CFAP95: variants seen among roughly 807,000 people sequenced by gnomAD.
CFAP95 encodes the protein cilia and flagella associated protein 95.
the CFAP95 span, among the ~76,000 whole-genome samples, chr9:69,895,641 T>A: frequency 6.6e-6 from 1 of 152,178 alleles, no homozygotes; most frequent in Non-Finnish European, 1.5e-5. Context: ...ATTAATTATT[T>A]TAACTTCCTG....
chr9:69,878,150 C>T, the CFAP95 span, among the ~76,000 whole-genome samples: 1 of 152,150 alleles, frequency 6.6e-6, no homozygotes, highest in Non-Finnish European at 1.5e-5. Flanking sequence ...GTGATGTTTA[C>T]TGATAATCGT....
chr9:69,875,081 G>C, the CFAP95 span, among the ~76,000 whole-genome samples: 3 of 152,116 alleles, frequency 2.0e-5, no homozygotes, highest in African/African-American at 7.2e-5. Context: ...TTTTGCTACA[G>C]CTAATATCTA....
chr9:69,896,401 T>A, the CFAP95 span, among the ~76,000 whole-genome samples: 477 of 152,308 alleles, frequency 3.1e-3, 1 homozygote, highest in African/African-American at 0.011. Flanking sequence ...GAAGTGTTCA[T>A]TTACATAGAT....
the CFAP95 span, among the ~76,000 whole-genome samples, chr9:69,897,021 G>A: frequency 1.3e-5 from 2 of 152,122 alleles, no homozygotes; most frequent in Non-Finnish European, 2.9e-5. Flanking sequence ...TTGACTGTGG[G>A]GTAATTCTTC....
At chr9:69,885,583 C>A in the CFAP95 span, among the ~76,000 whole-genome samples, 1 of 152,184 alleles carries the variant, frequency 6.6e-6, no homozygotes, top group Non-Finnish European at 1.5e-5. Context: ...TCAGTTCTAG[C>A]ACCTCAGGGT....
At chr9:69,853,469 AT>A in the CFAP95 span, among the ~76,000 whole-genome samples, 1 of 152,342 alleles carries the variant, frequency 6.6e-6, no homozygotes, top group Non-Finnish European at 1.5e-5. Context: ...TATTATGTAA[AT>A]TAAATGGAAA....
the CFAP95 span, among the ~76,000 whole-genome samples, chr9:69,874,383 C>G: frequency 1.3e-5 from 2 of 152,154 alleles, no homozygotes; most frequent in Non-Finnish European, 2.9e-5. Flanking sequence ...GGAATCAGAG[C>G]AAGGGGAGTT....
chr9:69,892,826 C>T, the CFAP95 span, among the ~76,000 whole-genome samples: 1 of 152,204 alleles, frequency 6.6e-6, no homozygotes, highest in Non-Finnish European at 1.5e-5. Context: ...AAGAAGACTT[C>T]AGCCAGGGAC....
At chr9:69,821,027 T>C in the CFAP95 span, 1 of 1,613,214 alleles carries the variant, frequency 6.2e-7, no homozygotes, top group Non-Finnish European at 8.5e-7. Context: ...GTTGGTGTAT[T>C]CCTGGTGAGC....
chr9:69,872,724 C>T, the CFAP95 span, among the ~76,000 whole-genome samples: 1 of 152,108 alleles, frequency 6.6e-6, no homozygotes, highest in Non-Finnish European at 1.5e-5. Flanking sequence ...GTGGCTCATA[C>T]CTGTGGTCCC....
the CFAP95 span, among the ~76,000 whole-genome samples, chr9:69,898,209 C>T: frequency 1.3e-5 from 2 of 152,154 alleles, no homozygotes; most frequent in Admixed American, 6.5e-5. Flanking sequence ...TGGAGCTTAG[C>T]AATTGTTGAT....
At chr9:69,825,871 G>A in the CFAP95 span, among the ~76,000 whole-genome samples, 1 of 152,150 alleles carries the variant, frequency 6.6e-6, no homozygotes, top group Admixed American at 6.5e-5. Context: ...TCTCCATGGA[G>A]ACAGTTCTTG....
At chr9:69,885,693 T>C in the CFAP95 span, among the ~76,000 whole-genome samples, 95,956 of 151,958 alleles carry the variant, frequency 0.63, 30,614 homozygotes, top group East Asian at 0.82. Flanking sequence ...AGGTTGGGAA[T>C]GTTATGTAAT....
the CFAP95 span, among the ~76,000 whole-genome samples, chr9:69,828,091 G>A: frequency 2.0e-5 from 3 of 152,182 alleles, no homozygotes; most frequent in African/African-American, 7.2e-5. Context: ...GAAGCTTAAG[G>A]AATTTAGAAG....
At chr9:69,894,212 A>C in the CFAP95 span, among the ~76,000 whole-genome samples, 1,753 of 152,310 alleles carry the variant, frequency 0.012, 31 homozygotes, top group African/African-American at 0.04. Flanking sequence ...ATAAACAAAC[A>C]GTTCTGGTTC....
At chr9:69,893,296 G>A in the CFAP95 span, among the ~76,000 whole-genome samples, 3 of 152,194 alleles carry the variant, frequency 2.0e-5, no homozygotes, top group African/African-American at 4.8e-5. Flanking sequence ...TGAGTCCCAC[G>A]AAAGGGTCAA....
the CFAP95 span, among the ~76,000 whole-genome samples, chr9:69,888,093 A>T: frequency 6.6e-6 from 1 of 152,240 alleles, no homozygotes; most frequent in South Asian, 2.1e-4. Flanking sequence ...AAACTAAACT[A>T]ACTATAAACC....
the CFAP95 span, among the ~76,000 whole-genome samples, chr9:69,879,031 G>A: frequency 1.6e-4 from 25 of 152,226 alleles, no homozygotes; most frequent in East Asian, 1.9e-3. Context: ...ATGGCACCAG[G>A]CCATGAGGGA....
chr9:69,856,920 G>GT, the CFAP95 span, among the ~76,000 whole-genome samples: 16,678 of 125,844 alleles, frequency 0.13, 1,386 homozygotes, highest in South Asian at 0.18. Flanking sequence ...CTTTATATGT[G>GT]TTTTTTTTTT....
Sources: gnomAD v4.1 joint callset for allele counts (sites outside exome capture counted in the v4.1 genomes callset) on GRCh38, gnomAD v4.1.1 for gene constraint, MANE v1.5 for transcripts, NCBI Gene and HGNC (gene_info 2026-07-23, HGNC 2026-07-21) for gene names.